The following TMEM200A variants were observed in gnomAD, a reference collection of about 807,000 sequenced individuals.
TMEM200A encodes the protein two transmembrane C.
TMEM200A carries 12 observed loss-of-function variants against 24.3 expected under a neutral mutation model. The ratio of observed to expected loss-of-function variants is 0.49; its 90% CI spans 0.32 to 0.80. The LOEUF (loss-of-function observed/expected upper bound fraction) is 0.80. Among genes scored for constraint, TMEM200A ranks in the 30% least tolerant of loss-of-function variants. The pLI is 0.04. For missense variants in TMEM200A, 545 were observed against 614.4 expected (o/e 0.89, Z 1.19); for synonymous variants, 224 against 224.4 (o/e 1.00, Z 0.02).
chr6:130,407,937 C>T (rs1353948617), intron 2 of TMEM200A, among the ~76,000 whole-genome samples: 1 of 152,174 alleles, frequency 6.6e-6, no homozygotes, highest in Non-Finnish European at 1.5e-5. Context: ...GTATTATTTA[C>T]ATATCATCTA....
intron 2 of TMEM200A, among the ~76,000 whole-genome samples, chr6:130,406,117 A>G (rs936764801): frequency 1.3e-5 from 2 of 152,104 alleles, no homozygotes; most frequent in African/African-American, 2.4e-5. Context: ...GTCTTTTCAT[A>G]TATTCAATAT....
chr6:130,391,125 A>G (rs1310767216), intron 2 of TMEM200A, among the ~76,000 whole-genome samples: 1 of 152,134 alleles, frequency 6.6e-6, no homozygotes, highest in Non-Finnish European at 1.5e-5. Context: ...TTCTCACCAG[A>G]CTGCCAGCCC....
At chr6:130,413,704 G>C (rs1446349760) in intron 2 of TMEM200A, among the ~76,000 whole-genome samples, 1 of 152,176 alleles carries the variant, frequency 6.6e-6, no homozygotes, top group Non-Finnish European at 1.5e-5. Flanking sequence ...AGCTGCCAAA[G>C]TGATATCTGC....
chr6:130,365,806 C>T, upstream of TMEM200A: 1 of 985,448 alleles, frequency 1.0e-6, no homozygotes, highest in Non-Finnish European at 1.2e-6. Flanking sequence ...GCGGATCGGC[C>T]GGCCTGGGCT....
chr6:130,427,434 AT>A (rs1158943848), intron 2 of TMEM200A, among the ~76,000 whole-genome samples: 3 of 152,214 alleles, frequency 2.0e-5, no homozygotes, highest in African/African-American at 7.2e-5. Context: ...GATTTAACCA[AT>A]TTTCTGTTGC....
In TMEM200A at chr6:130,413,236, C is replaced by T. The variant is rs999738211; in HGVS notation, c.-16-27171C>T. 2.6e-5 allele frequency among the ~76,000 whole-genome samples: 4 copies of T among 152,168 alleles called. 1 individual carries two copies. Among genetic ancestry groups the T allele is most frequent in the Middle Eastern group, 6.3e-3 (2 of 316 alleles). On this transcript the variant is annotated intron_variant, in intron 2 of 2. Transcript: ENST00000296978. ...CTTGCCCCTGGAACTGGCTGTGAAG[C>T]CCTCTACTTTGGATTTCTCTTTTAT... is the stretch of plus-strand genomic sequence containing the variant.
rs1161624611 is a variant in TMEM200A, at chr6:130,370,380, G to C, written c.-81+3856G>C. Among the ~76,000 whole-genome samples, 4 of 152,222 alleles carry C rather than the reference G, an allele frequency of 2.6e-5. No individual in the cohort carries two copies. In the East Asian group the frequency reaches 7.7e-4, roughly 29 times the overall value. The stretch of plus-strand genomic sequence containing the variant: ...TGGACTAAATCATGTGCCCAACCCT[G>C]TGTATATGTGGTTCTGGTGCTGGGA... On this transcript the variant is annotated intron_variant, in intron 1 of 2. Coordinates refer to ENST00000296978, the MANE Select transcript of TMEM200A (RefSeq NM_001258277.2).
intron 2 of TMEM200A, among the ~76,000 whole-genome samples, chr6:130,410,094 T>C (rs892102987): frequency 2.6e-5 from 4 of 152,200 alleles, no homozygotes; most frequent in Admixed American, 6.5e-5. Context: ...CTAAAGTGAA[T>C]GTGTTTAAGT....
upstream of TMEM200A, chr6:130,365,840 G>A (rs940558568): frequency 3.3e-5 from 33 of 985,478 alleles, no homozygotes; most frequent in Admixed American, 8.6e-4. Context: ...TCCTGTCTGC[G>A]TCCTCCAGGA....
intron 2 of TMEM200A, among the ~76,000 whole-genome samples, chr6:130,422,582 A>G (rs1779622944): frequency 6.6e-6 from 1 of 152,084 alleles, no homozygotes; most frequent in Non-Finnish European, 1.5e-5. Flanking sequence ...GTACTTTTTA[A>G]TGTTGCTTTT....
chr6:130,425,301 G>A (rs1313507825), intron 2 of TMEM200A, among the ~76,000 whole-genome samples: 1 of 148,204 alleles, frequency 6.7e-6, no homozygotes, highest in Admixed American at 6.9e-5. Flanking sequence ...GGTCTGGATT[G>A]AAAACAATAT....
At chr6:130,397,378 A>C (rs1008828955) in intron 2 of TMEM200A, among the ~76,000 whole-genome samples, 3 of 152,114 alleles carry the variant, frequency 2.0e-5, no homozygotes, top group African/African-American at 7.2e-5. Flanking sequence ...TTTGTAACTT[A>C]GTCCATTTTT....
intron 2 of TMEM200A, among the ~76,000 whole-genome samples, chr6:130,425,758 G>A (rs777982041): frequency 2.0e-5 from 3 of 152,120 alleles, no homozygotes; most frequent in African/African-American, 2.4e-5. Flanking sequence ...CTACTTTTCA[G>A]GGTTGTTATG....
At chr6:130,406,101 A>G (rs1779205453) in intron 2 of TMEM200A, among the ~76,000 whole-genome samples, 1 of 152,046 alleles carries the variant, frequency 6.6e-6, no homozygotes, top group Non-Finnish European at 1.5e-5. Flanking sequence ...TCTCCATCAG[A>G]TCCTTGTCTT....
chr6:130,408,286 A>G (rs569924992), intron 2 of TMEM200A, among the ~76,000 whole-genome samples: 2 of 152,198 alleles, frequency 1.3e-5, no homozygotes, highest in Non-Finnish European at 2.9e-5. Flanking sequence ...CTGCCCAGGT[A>G]GGCACTTTCC....
intron 1 of TMEM200A, among the ~76,000 whole-genome samples, chr6:130,383,824 G>T (rs1056233702): frequency 6.6e-6 from 1 of 152,132 alleles, no homozygotes; most frequent in Non-Finnish European, 1.5e-5. Context: ...CAAATTATAT[G>T]AGAAAAGAAG....
At chr6:130,415,364 A>C (rs1779425606) in intron 2 of TMEM200A, among the ~76,000 whole-genome samples, 1 of 152,250 alleles carries the variant, frequency 6.6e-6, no homozygotes, top group South Asian at 2.1e-4. Flanking sequence ...CTAAAAGATA[A>C]AATTCAAACC....
chr6:130,416,716 A>C (rs747757556), intron 2 of TMEM200A, among the ~76,000 whole-genome samples: 37 of 152,146 alleles, frequency 2.4e-4, no homozygotes, highest in Non-Finnish European at 4.1e-4. Flanking sequence ...CTTTCCATAC[A>C]GCAGCATGAA....
chr6:130,383,889 G>T lies in TMEM200A; in HGVS notation c.-80-1284G>T, dbSNP rs573676440. The stretch of plus-strand genomic sequence containing the variant: ...TCCCAGCACTTTGGGAGGCTGAGAC[G>T]GGGGGGATCCCTTGAGGTCAGAAGT... On this transcript the variant is annotated intron_variant, in intron 1 of 2. Coordinates refer to ENST00000296978, the MANE Select transcript of TMEM200A (RefSeq NM_001258277.2). 1.5e-4 allele frequency among the ~76,000 whole-genome samples: 23 copies of T among 151,910 alleles called. 1 individual carries two copies. In the Middle Eastern group the frequency reaches 0.01, roughly 67 times the overall value.
Sources: gnomAD v4.1 joint callset for allele counts (sites outside exome capture counted in the v4.1 genomes callset) on GRCh38, gnomAD v4.1.1 for gene constraint, MANE v1.5 for transcripts, NCBI Gene and HGNC (gene_info 2026-07-23, HGNC 2026-07-21) for gene names.